Variants in RANGAP1 observed in about 807,000 individuals in gnomAD.
The protein encoded by RANGAP1 is ran GTPase-activating protein 1.
Under a neutral mutation model 63.5 loss-of-function variants are expected in RANGAP1, and 38 were observed. The observed-to-expected ratio is 0.60, with a 90% confidence interval of 0.46 to 0.78. RANGAP1 has a LOEUF of 0.78. Among genes scored for constraint, RANGAP1 ranks in the 30% least tolerant of loss-of-function variants. The probability of loss-of-function intolerance (pLI) is 0.00; values close to 1 mark genes in which losing one functional copy is unlikely to be tolerated. For missense variants in RANGAP1, 630 were observed against 740.3 expected (o/e 0.85, Z 1.73); for synonymous variants, 329 against 310.5 (o/e 1.06, Z -0.63).
intron 3 of RANGAP1, among the ~76,000 whole-genome samples, chr22:41,269,607 C>T (rs902393911): frequency 1.3e-5 from 2 of 151,754 alleles, no homozygotes; most frequent in Non-Finnish European, 2.9e-5. Flanking sequence ...TGGTGGTGCA[C>T]GCCTGTAGTC....
chr22:41,256,163 T>G, intron 9 of RANGAP1, 28 bp downstream of exon 9: 1 of 1,613,746 alleles, frequency 6.2e-7, no homozygotes, highest in Non-Finnish European at 8.5e-7. Flanking sequence ...CTAGCAGACC[T>G]GTGCAGAGGC....
At chr22:41,286,570 G>A (rs1014909431), upstream of RANGAP1, among the ~76,000 whole-genome samples, 4 of 152,236 alleles carry the variant, frequency 2.6e-5, no homozygotes, top group Non-Finnish European at 5.9e-5. Flanking sequence ...ACTGCTGGCT[G>A]CTGGGTCTCT....
At chr22:41,288,712 A>C (rs981997868), upstream of RANGAP1, among the ~76,000 whole-genome samples, 20 of 151,980 alleles carry the variant, frequency 1.3e-4, no homozygotes, top group Non-Finnish European at 8.8e-5. Flanking sequence ...CGGAACTGGA[A>C]GGGAATTCTT....
intron 4 of RANGAP1, among the ~76,000 whole-genome samples, chr22:41,266,877 A>T (rs1325381680): frequency 1.0e-5 from 1 of 100,188 alleles, no homozygotes; most frequent in Non-Finnish European, 2.0e-5. Flanking sequence ...GCAATCACTG[A>T]AATGAATTTC....
At position 41,246,573 on chromosome 22, in the gene RANGAP1, C is replaced by T. The variant is rs370550540; in HGVS notation, c.*30G>A. On this transcript the variant is annotated 3_prime_UTR_variant, in exon 16 of 16. Transcript: ENST00000356244. Reference sequence around the variant, plus strand: ...CCGAGTCCCTCCCCAGCTCACTGGTCCAGGCCAAGGGATGGGAGAGGCTTT... The same window carrying T: ...CCGAGTCCCTCCCCAGCTCACTGGTTCAGGCCAAGGGATGGGAGAGGCTTT... The T allele has an allele frequency of 1.1e-5, 17 of 1,516,834 alleles. No homozygotes were observed. Among genetic ancestry groups the T allele is most frequent in the Non-Finnish European group, 1.4e-5 (16 of 1,112,738 alleles). 94.0% of individuals were successfully genotyped at this position (1,516,834 alleles called of 1,614,324 possible). A position where few individuals can be genotyped will look rare whatever the true frequency, so the allele number is the denominator to read the frequency against.
chr22:41,246,816 A>T, intron 15 of RANGAP1, 144 bp from the exon 16 acceptor site: 1 of 770,494 alleles, frequency 1.3e-6, no homozygotes, highest in Non-Finnish European at 2.1e-6. Context: ...CCTTCTGCAC[A>T]CCGTGGGTGG....
At chr22:41,285,702 G>A (rs1321588256) in intron 1 of RANGAP1, 4 of 984,150 alleles carry the variant, frequency 4.1e-6, no homozygotes, top group Middle Eastern at 5.2e-4. Flanking sequence ...CACCGCCTCC[G>A]GTTGACAACA....
chr22:41,257,761 GTGGGTTACCT>G lies in RANGAP1; in HGVS notation c.774+177_774+186del, dbSNP rs1376244259. 6.6e-6 allele frequency among the ~76,000 whole-genome samples: 1 copy of G among 152,226 alleles called. No homozygotes were observed. The highest frequency in any genetic ancestry group is 2.4e-5 in the African/African-American group (1 of 41,460). On this transcript the variant is annotated intron_variant, in intron 7 of 15. Coordinates refer to ENST00000356244, the MANE Select transcript of RANGAP1 (RefSeq NM_002883.4). This position sits in a 1 kb window ranked among gnomAD's most constrained non-coding sequence, Gnocchi z 4.0. ...AGAATCAGAGCTGCCCGAGGAGGGC[GTGGGTTACCT>G]TGGGACCTGCAACCCTGTTCAGGAC... is the stretch of plus-strand genomic sequence containing the variant.
chr22:41,295,174 G>A, the RANGAP1 span, among the ~76,000 whole-genome samples: 7 of 149,296 alleles, frequency 4.7e-5, no homozygotes, highest in African/African-American at 1.8e-4. Flanking sequence ...CCCTCTGCCC[G>A]GCCACCACCC....
At chr22:41,300,337 C>T in the RANGAP1 span, among the ~76,000 whole-genome samples, 8 of 148,322 alleles carry the variant, frequency 5.4e-5, no homozygotes, top group Non-Finnish European at 8.9e-5. Flanking sequence ...GCATCCTCAT[C>T]GATGAAATGA....
At chr22:41,260,284 AC>A (rs2034088538) in intron 6 of RANGAP1, among the ~76,000 whole-genome samples, 1 of 151,758 alleles carries the variant, frequency 6.6e-6, no homozygotes, top group South Asian at 2.1e-4. Flanking sequence ...ACCACAGCGC[AC>A]CCCCTCCTCC....
intron 3 of RANGAP1, among the ~76,000 whole-genome samples, chr22:41,271,199 G>A (rs2034796745): frequency 6.6e-6 from 1 of 150,958 alleles, no homozygotes; most frequent in Non-Finnish European, 1.5e-5. Flanking sequence ...AGATCAGACT[G>A]GGCAACAAAG....
At chr22:41,270,124 C>A (rs570842416) in intron 3 of RANGAP1, among the ~76,000 whole-genome samples, 1 of 150,794 alleles carries the variant, frequency 6.6e-6, no homozygotes, top group Non-Finnish European at 1.5e-5. Flanking sequence ...CGTGAGCCAC[C>A]GTGCCCGGCC....
At chr22:41,281,216 G>A in intron 1 of RANGAP1, 134 bp from the exon 2 acceptor site, 1 of 1,038,830 alleles carries the variant, frequency 9.6e-7, no homozygotes, top group Non-Finnish European at 1.3e-6. Flanking sequence ...TAAATCACTG[G>A]AAGAAAGGAA....
At chr22:41,272,663 G>A (rs746240774) in intron 3 of RANGAP1, among the ~76,000 whole-genome samples, 13 of 152,080 alleles carry the variant, frequency 8.5e-5, no homozygotes, top group Non-Finnish European at 1.6e-4. Context: ...TGGGACTACA[G>A]GCACACGCCA....
the RANGAP1 span, among the ~76,000 whole-genome samples, chr22:41,293,183 C>G: frequency 1.3e-5 from 2 of 150,004 alleles, no homozygotes; most frequent in Non-Finnish European, 3.0e-5. Flanking sequence ...TGTAGTGAGC[C>G]GAGATCGCGC....
chr22:41,292,964 G>A, the RANGAP1 span, among the ~76,000 whole-genome samples: 11 of 150,830 alleles, frequency 7.3e-5, no homozygotes, highest in African/African-American at 2.4e-4. Flanking sequence ...AGCCGGGCGC[G>A]GTGGCTCACG....
chr22:41,249,712 G>A lies in RANGAP1; in HGVS notation c.1572+17C>T, dbSNP rs369743959. The A allele has an allele frequency of 3.9e-5, 62 of 1,605,972 alleles. No individual in the cohort carries two copies. Among genetic ancestry groups the A allele is most frequent in the Middle Eastern group, 1.6e-4 (1 of 6,070 alleles). ...CACCCACCTCCCTCCCGGGCCTGCT[G>A]TTCCTTCCGGCCTCACCTTGAGCAG... On this transcript the variant is annotated intron_variant, in intron 14 of 15. Coordinates refer to ENST00000356244, the MANE Select transcript of RANGAP1 (RefSeq NM_002883.4).
intron 12 of RANGAP1, among the ~76,000 whole-genome samples, chr22:41,251,382 T>C (rs1448218589): frequency 1.3e-5 from 2 of 152,066 alleles, no homozygotes; most frequent in African/African-American, 4.8e-5. Context: ...CCCCAGCACT[T>C]TGGGAGGCTG....
Sources: gnomAD v4.1 joint callset for allele counts (sites outside exome capture counted in the v4.1 genomes callset) on GRCh38, gnomAD v4.1.1 for gene constraint, Gnocchi (gnomAD v3.1) non-coding constraint, MANE v1.5 for transcripts, NCBI Gene and HGNC (gene_info 2026-07-23, HGNC 2026-07-21) for gene names.